Variants in NCAM1 observed in about 807,000 individuals in gnomAD.
The protein encoded by NCAM1 is antigen recognized by monoclonal antibody 5.1H11.
In NCAM1, 14 loss-of-function variants were observed where a neutral mutation model predicts 109.8. The ratio of observed to expected loss-of-function variants is 0.13; its 90% CI spans 0.08 to 0.20. The LOEUF is 0.20. Ranked by LOEUF, NCAM1 falls within the 10% of genes least tolerant of loss-of-function variation. NCAM1 has a pLI of 1.00. For synonymous variants in NCAM1, 418 were observed against 442.9 expected, an observed-to-expected ratio of 0.94 and a Z score of 0.70; for missense variants, 774 against 1,109.9, an observed-to-expected ratio of 0.70 and a Z score of 4.30.
rs1366778065 is a variant in NCAM1, at chr11:112,962,012, C to A, written c.52+348C>A. Among the ~76,000 whole-genome samples the A allele has an allele frequency of 6.6e-6, 1 of 152,146 alleles. No individual in the cohort carries two copies. Among genetic ancestry groups the A allele is most frequent in the Non-Finnish European group, 1.5e-5 (1 of 68,006 alleles). On this transcript the variant is annotated intron_variant, in intron 1 of 19. Coordinates refer to ENST00000316851, the MANE Select transcript of NCAM1 (RefSeq NM_181351.5). This position sits in a 1 kb window ranked among gnomAD's most constrained non-coding sequence, Gnocchi z 5.6. The stretch of plus-strand genomic sequence containing the variant: ...GCAGCGCTCCTTCCCCAAAGGCGGG[C>A]GGCGGGGCGGGGGAGGTCGCGGCTC...
intron 1 of NCAM1, among the ~76,000 whole-genome samples, chr11:113,172,026 G>A (rs1302816971): frequency 6.6e-6 from 1 of 152,188 alleles, no homozygotes; most frequent in Non-Finnish European, 1.5e-5. Context: ...AGAAGCCTGG[G>A]ACAGTTACCT....
intron 1 of NCAM1, among the ~76,000 whole-genome samples, chr11:113,167,792 G>A (rs1942853924): frequency 6.6e-6 from 1 of 152,178 alleles, no homozygotes; most frequent in Admixed American, 6.5e-5. Context: ...CTGCCAGGTT[G>A]GCAGGCGGAC....
chr11:113,242,653 G>C (rs1350707778), intron 14 of NCAM1, among the ~76,000 whole-genome samples: 1 of 152,148 alleles, frequency 6.6e-6, no homozygotes, highest in Non-Finnish European at 1.5e-5. Flanking sequence ...AGAGAAGAGA[G>C]AGAATACCTC....
chr11:113,056,120 C>A (rs139721450), intron 1 of NCAM1, among the ~76,000 whole-genome samples: 3 of 147,644 alleles, frequency 2.0e-5, no homozygotes, highest in African/African-American at 7.5e-5. Context: ...TGGATGGAAC[C>A]GGAGGTCTTT....
intron 16 of NCAM1, 27 bp from the exon 17 acceptor site, chr11:113,260,119 A>G: frequency 6.3e-7 from 1 of 1,592,686 alleles, no homozygotes; most frequent in Non-Finnish European, 8.5e-7. Context: ...GGTCTCTTGT[A>G]TCCTTCTTGC....
At chr11:113,018,561 C>T (rs1413551960) in intron 1 of NCAM1, among the ~76,000 whole-genome samples, 2 of 152,048 alleles carry the variant, frequency 1.3e-5, no homozygotes, top group African/African-American at 4.8e-5. Context: ...CAAAATTACC[C>T]CATAGTTCAC....
At chr11:113,242,182 A>C (rs1945346720) in intron 14 of NCAM1, among the ~76,000 whole-genome samples, 1 of 152,268 alleles carries the variant, frequency 6.6e-6, no homozygotes, top group Non-Finnish European at 1.5e-5. Context: ...TGTGAAGAAC[A>C]CAAAACATAC....
chr11:113,080,490 G>T lies in NCAM1; in HGVS notation c.52+118826G>T, dbSNP rs553281523. On this transcript the variant is annotated intron_variant, in intron 1 of 19. Coordinates refer to ENST00000316851, the MANE Select transcript of NCAM1 (RefSeq NM_181351.5). ...CTTTTTTTTTTTTTCTTAAAGGCCT[G>T]CCTGTCAGTCAAGTTTGATGCGGGT... Among the ~76,000 whole-genome samples the T allele has an allele frequency of 6.2e-4, 92 of 148,758 alleles. 1 individual carries two copies. The highest frequency in any genetic ancestry group is 2.2e-3 in the African/African-American group (89 of 40,320).
chr11:113,031,954 G>T (rs1232672864), intron 1 of NCAM1, among the ~76,000 whole-genome samples: 2 of 152,004 alleles, frequency 1.3e-5, no homozygotes, highest in Admixed American at 6.6e-5. Flanking sequence ...TTTTGAGATG[G>T]TCTTCTTTGG....
At chr11:113,082,059 T>C (rs556801205) in intron 1 of NCAM1, among the ~76,000 whole-genome samples, 2 of 152,346 alleles carry the variant, frequency 1.3e-5, no homozygotes, top group East Asian at 3.8e-4. Context: ...AATGTGCTGT[T>C]TCGATTATAA....
chr11:113,235,396 T>G, intron 14 of NCAM1: 1 of 895,826 alleles, frequency 1.1e-6, no homozygotes, highest in Admixed American at 1.7e-5. Flanking sequence ...TAGTAGCCGG[T>G]CCAGCTTGTT....
At chr11:113,231,863 A>G in intron 10 of NCAM1, 68 bp downstream of exon 10, 3 of 1,587,144 alleles carry the variant, frequency 1.9e-6, no homozygotes, top group African/African-American at 1.3e-5. Flanking sequence ...AGAGAGGAAA[A>G]CATCAGCAAG....
chr11:113,134,516 C>T (rs972775332), intron 1 of NCAM1, among the ~76,000 whole-genome samples: 3 of 152,096 alleles, frequency 2.0e-5, no homozygotes, highest in Non-Finnish European at 4.4e-5. Context: ...AGTCAATTTT[C>T]ACTGTCTCTT....
intron 1 of NCAM1, among the ~76,000 whole-genome samples, chr11:113,055,777 A>G (rs1555082437): frequency 6.6e-6 from 1 of 151,770 alleles, no homozygotes; most frequent in Non-Finnish European, 1.5e-5. Context: ...AATGTTTGAT[A>G]TGGAGGTTCC....
intron 8 of NCAM1, among the ~76,000 whole-genome samples, chr11:113,219,488 A>G (rs1310230918): frequency 2.6e-5 from 4 of 152,240 alleles, no homozygotes; most frequent in African/African-American, 9.6e-5. Flanking sequence ...AAAACAACCT[A>G]GAACAATTTT....
chr11:113,160,753 G>C (rs933973646), intron 1 of NCAM1, among the ~76,000 whole-genome samples: 22 of 152,150 alleles, frequency 1.4e-4, no homozygotes, highest in Admixed American at 1.3e-3. Flanking sequence ...CAAACAAAGA[G>C]GGTCACTGAG....
intron 14 of NCAM1, among the ~76,000 whole-genome samples, chr11:113,245,197 A>C (rs1316238850): frequency 6.6e-6 from 1 of 152,150 alleles, no homozygotes; most frequent in Admixed American, 6.5e-5. Context: ...GCTCAAGCCT[A>C]TAATCCCAGC....
intron 1 of NCAM1, among the ~76,000 whole-genome samples, chr11:113,023,139 T>C (rs1555076542): frequency 6.6e-6 from 1 of 152,204 alleles, no homozygotes; most frequent in East Asian, 1.9e-4. Flanking sequence ...ACTATACTGT[T>C]TATGCAAATA....
intron 1 of NCAM1, among the ~76,000 whole-genome samples, chr11:113,038,094 C>T (rs1591271070): frequency 6.6e-6 from 1 of 152,190 alleles, no homozygotes; most frequent in African/African-American, 2.4e-5. Context: ...TTGTCAGTCC[C>T]TCCATCTGAA....
Sources: allele counts gnomAD v4.1 joint callset (sites outside exome capture counted in the v4.1 genomes callset), GRCh38; gene constraint gnomAD v4.1.1; non-coding constraint Gnocchi (gnomAD v3.1); transcripts MANE v1.5; gene names NCBI Gene and HGNC (gene_info 2026-07-23, HGNC 2026-07-21).